The following ANKRD13D variants were observed in gnomAD, a reference collection of about 807,000 sequenced individuals.
The protein encoded by ANKRD13D is ankyrin repeat domain 13D.
Under a neutral mutation model 68.8 loss-of-function variants are expected in ANKRD13D, and 24 were observed. That is an observed-to-expected ratio of 0.35 (90% CI 0.25 to 0.49). The LOEUF (loss-of-function observed/expected upper bound fraction) is 0.49. Among genes scored for constraint, ANKRD13D ranks in the 20% least tolerant of loss-of-function variants. The pLI, the probability that ANKRD13D is intolerant of heterozygous loss-of-function variation, is 0.99. For synonymous variants in ANKRD13D, 331 were observed against 336.1 expected (o/e 0.98, Z 0.16); for missense variants, 735 against 832.1 (o/e 0.88, Z 1.44).
At chr11:67,290,603 G>A (rs1234720779) in intron 3 of ANKRD13D, 157 bp downstream of exon 3, 10 of 1,202,912 alleles carry the variant, frequency 8.3e-6, no homozygotes, top group South Asian at 4.9e-5. Context: ...CCAGGGTCAC[G>A]TAGGAAAGAG....
At position 67,302,120 on chromosome 11, in the gene ANKRD13D, G is replaced by T. The variant is rs1363162610; in HGVS notation, c.1606G>T (p.Ala536Ser). 1 of 1,566,514 alleles carries T rather than the reference G, an allele frequency of 6.4e-7. No individual in the cohort carries two copies. Among genetic ancestry groups the T allele is most frequent in the Non-Finnish European group, 8.7e-7 (1 of 1,155,196 alleles). The change falls in exon 15 of 15, where the codon GCC (alanine) becomes TCC (serine). Residue 536 changes from alanine (A) to serine (S), a missense_variant and splice_region_variant. Transcript: ENST00000511455. ...VYEEQLQLER[A>S]LQESLQLSTE... is the part of the protein sequence containing the mutation. ...TCCCTCCCCTGCCCTGCCTGGAAGGGCCCTCCAGGAAAGCCTGCAGCTGTC... is the reference window on the plus strand; with the variant it reads ...TCCCTCCCCTGCCCTGCCTGGAAGGTCCCTCCAGGAAAGCCTGCAGCTGTC...
chr11:67,301,368 C>G lies in ANKRD13D; in HGVS notation c.1318C>G (p.Pro440Ala). The G allele has an allele frequency of 6.2e-7, 1 of 1,613,166 alleles. No homozygotes were observed. Among genetic ancestry groups the G allele is most frequent in the Non-Finnish European group, 8.5e-7 (1 of 1,179,642 alleles). The change falls in exon 12 of 15, where the codon CCG becomes GCG. Residue 440 changes from proline (P) to alanine (A), a missense_variant. Physicochemically the swap from Pro to Ala is conservative, Grantham distance 27. Coordinates refer to ENST00000511455, the MANE Select transcript of ANKRD13D (RefSeq NM_207354.3). The surrounding 1 kb of genome is among the most constrained non-coding windows in gnomAD (Gnocchi z 4.5). ...TGAGCCCCTGAGCTCCGTGTGGGTG[C>G]CGGCCCCCAGCTCTGCTGTTGCCGC... The part of the protein sequence containing the change: ...CDEPLSSVWV[P>A]APSSAVAASG...
Position 67,301,322 on chromosome 11 carries a change from C to T in ANKRD13D, c.1272C>T (p.Phe424=), listed in dbSNP as rs533333283. Residue 424 remains phenylalanine, a synonymous_variant, in exon 12 of 15, where the codon TTC becomes TTT. Coordinates refer to ENST00000511455, the MANE Select transcript of ANKRD13D (RefSeq NM_207354.3). This position sits in a 1 kb window ranked among gnomAD's most constrained non-coding sequence, Gnocchi z 4.5. ...ACGTGCTCAATGCCCGCATCACCTT[C>T]AGCAACCTGTGTGGCTGTGATGAGC... is the stretch of plus-strand genomic sequence containing the variant. ...LFHVLNARIT[F]SNLCGCDEPL... 203 of 1,613,826 alleles carry T rather than the reference C, an allele frequency of 1.3e-4. 1 individual carries two copies. In the South Asian group the frequency reaches 2.1e-3, roughly 16 times the overall value.
At chr11:67,295,577 A>G (rs1860729550) in intron 6 of ANKRD13D, among the ~76,000 whole-genome samples, 1 of 148,914 alleles carries the variant, frequency 6.7e-6, no homozygotes, top group African/African-American at 2.5e-5. Context: ...ATACAAAAAC[A>G]AAAAAAAAAT....
Position 67,299,408 on chromosome 11 carries a change from C to T in ANKRD13D, c.799-122C>T, listed in dbSNP as rs902727233. On this transcript the variant is annotated intron_variant, in intron 7 of 14. Coordinates refer to ENST00000511455, the MANE Select transcript of ANKRD13D (RefSeq NM_207354.3). This position sits in a 1 kb window ranked among gnomAD's most constrained non-coding sequence, Gnocchi z 6.2. ...TGGGGTTCAGACCCTGCCACCTCCT[C>T]CATTTTGGGGAGCAAGATCTCATCT... is the stretch of plus-strand genomic sequence containing the variant. The T allele has an allele frequency of 1.1e-6, 1 of 882,228 alleles. No individual in the cohort carries two copies. Among genetic ancestry groups the T allele is most frequent in the Admixed American group, 2.6e-5 (1 of 38,694 alleles). The allele number at this position is 882,228 out of a possible 1,614,324, so 54.6% of individuals were successfully genotyped here.
At position 67,302,466 on chromosome 11, in the gene ANKRD13D, TAA is replaced by T; in HGVS notation, c.*136_*137del. The T allele has an allele frequency of 1.5e-6, 2 of 1,310,310 alleles. No homozygotes were observed. Among genetic ancestry groups the T allele is most frequent in the Non-Finnish European group, 1.0e-6 (1 of 988,452 alleles). The allele number at this position is 1,310,310 out of a possible 1,614,324, so 81.2% of individuals were successfully genotyped here. The stretch of plus-strand genomic sequence containing the variant: ...CAGGCAGGGGAGACTGAGATGGAAA[TAA>T]AGAGACTGTCGCAGCAGGGCTGCTC... On this transcript the variant is annotated 3_prime_UTR_variant, in exon 15 of 15. Coordinates refer to ENST00000511455, the MANE Select transcript of ANKRD13D (RefSeq NM_207354.3).
At chr11:67,290,056 G>T (rs1276603143) in intron 1 of ANKRD13D, 22 bp from the exon 2 acceptor site, 1 of 1,534,272 alleles carries the variant, frequency 6.5e-7, no homozygotes, top group African/African-American at 1.4e-5. Flanking sequence ...CCTGCCCTTT[G>T]TGAGTGTCCC....
chr11:67,296,700 G>A (rs1416699732), intron 6 of ANKRD13D, among the ~76,000 whole-genome samples: 1 of 152,002 alleles, frequency 6.6e-6, no homozygotes, highest in Non-Finnish European at 1.5e-5. Context: ...CATGATAAGA[G>A]CTCACTGCAG....
At position 67,299,241 on chromosome 11, in the gene ANKRD13D, G is replaced by C; in HGVS notation, c.798+117G>C. On this transcript the variant is annotated intron_variant, in intron 7 of 14. Coordinates refer to ENST00000511455, the MANE Select transcript of ANKRD13D (RefSeq NM_207354.3). This position sits in a 1 kb window ranked among gnomAD's most constrained non-coding sequence, Gnocchi z 6.2. ...CTCTGGAAACCCTGAGCATTTGTGGGAACTCAGCGGGCCTGAGTGCCCAGC... is the reference window on the plus strand; with the variant it reads ...CTCTGGAAACCCTGAGCATTTGTGGCAACTCAGCGGGCCTGAGTGCCCAGC... 7.6e-7 allele frequency: 1 copy of C among 1,309,654 alleles called. No individual in the cohort carries two copies. The highest frequency in any genetic ancestry group is 1.1e-6 in the Non-Finnish European group (1 of 924,562). The allele number at this position is 1,309,654 out of a possible 1,614,324, so 81.1% of individuals were successfully genotyped here.
rs1861048065 is a variant in ANKRD13D, at chr11:67,302,318, C to A, written c.1804C>A (p.Leu602Ile). The change falls in exon 15 of 15, where the codon CTC becomes ATC. Residue 602 changes from leucine (L) to isoleucine (I), a missense_variant. Leu to Ile is a conservative substitution (Grantham distance 5, BLOSUM62 2). Transcript: ENST00000511455. ...EDLQRILQLSLTEH is the reference protein window; with the variant it reads ...EDLQRILQLSITEH ...CTTACAGCGGATCCTGCAGCTGTCA[C>A]TCACTGAGCACTGAGCCATAGCCCC... is the stretch of plus-strand genomic sequence containing the variant. 1.6e-5 allele frequency: 24 copies of A among 1,541,834 alleles called. No homozygotes were observed. The highest frequency in any genetic ancestry group is 2.1e-5 in the Non-Finnish European group (24 of 1,139,662).
At position 67,301,267 on chromosome 11, in the gene ANKRD13D, G is replaced by T. The variant is rs1860974982; in HGVS notation, c.1232-15G>T. Reference sequence around the variant, plus strand: ...GGCTCTCCGCCAGGGCTCAGGCGTGGCTGTCTTCTCACAGAGATTCCCCTT... The same window carrying T: ...GGCTCTCCGCCAGGGCTCAGGCGTGTCTGTCTTCTCACAGAGATTCCCCTT... On this transcript the variant is annotated splice_polypyrimidine_tract_variant and intron_variant, in intron 11 of 14. Transcript: ENST00000511455. The surrounding 1 kb of genome is among the most constrained non-coding windows in gnomAD (Gnocchi z 4.5). The T allele has an allele frequency of 2.5e-6, 4 of 1,606,512 alleles. No individual in the cohort carries two copies. The East Asian group carries it at 8.9e-5, about 36-fold the overall frequency.
At chr11:67,292,279 C>T in intron 6 of ANKRD13D, 99 bp downstream of exon 6, 1 of 1,354,046 alleles carries the variant, frequency 7.4e-7, no homozygotes, top group Non-Finnish European at 9.9e-7. Context: ...TGGTTCAGGC[C>T]TCTGGGCTCA....
chr11:67,291,256 C>G (rs1395322217), intron 3 of ANKRD13D: 3 of 548,810 alleles, frequency 5.5e-6, no homozygotes, highest in Non-Finnish European at 9.5e-6. Flanking sequence ...ACTCGGGAGG[C>G]TGAGGTGGAA....
In ANKRD13D at chr11:67,300,998, C is replaced by T; in HGVS notation, c.1082C>T (p.Ala361Val). The change falls in exon 11 of 15, where the codon GCA (alanine) becomes GTA (valine). Residue 361 changes from alanine to valine, a missense_variant. Ala to Val is a moderately conservative substitution (Grantham distance 64). Transcript: ENST00000511455. This position sits in a 1 kb window ranked among gnomAD's most constrained non-coding sequence, Gnocchi z 4.3. The part of the protein sequence containing the change: ...EMSSKVQRFK[A>V]TLWLSEEHPL... ...TGTGGTCGGCTGGGCAGGTTCAAGG[C>T]AACACTGTGGCTGAGTGAAGAGCAC... The T allele has an allele frequency of 6.2e-7, 1 of 1,613,778 alleles. No individual in the cohort carries two copies.
chr11:67,302,352 T>A lies in ANKRD13D; in HGVS notation c.*20T>A. The A allele has an allele frequency of 1.4e-6, 2 of 1,477,460 alleles. No individual in the cohort carries two copies. Among genetic ancestry groups the A allele is most frequent in the Admixed American group, 4.9e-5 (2 of 40,758 alleles). The allele number at this position is 1,477,460 out of a possible 1,614,324, so 91.5% of individuals were successfully genotyped here. The stretch of plus-strand genomic sequence containing the variant: ...CACTGAGCCATAGCCCCGGGAGGGC[T>A]GGCCAGGCCACTCCCTGCCCGCTTT... On this transcript the variant is annotated 3_prime_UTR_variant, in exon 15 of 15. Coordinates refer to ENST00000511455, the MANE Select transcript of ANKRD13D (RefSeq NM_207354.3).
chr11:67,298,950 G>A, intron 6 of ANKRD13D, 108 bp from the exon 7 acceptor site: 1 of 1,168,830 alleles, frequency 8.6e-7, no homozygotes, highest in Non-Finnish European at 1.3e-6. Context: ...AAGGGGCCCT[G>A]AGAGTTGGGC....
rs965027503 is a variant in ANKRD13D, at chr11:67,289,323, T to TGCTGCC, written c.-136_-135insTGCCGC. ...GCCCCGCCCTCCCTGCCGCCCGCGC[T>TGCTGCC]GCCGCCGCCGCCGCCGCCGCCGCTA... On this transcript the variant is annotated 5_prime_UTR_variant, in exon 1 of 15. Coordinates refer to ENST00000511455, the MANE Select transcript of ANKRD13D (RefSeq NM_207354.3). 2.7e-6 allele frequency: 1 copy of TGCTGCC among 372,214 alleles called. No individual in the cohort carries two copies. The highest frequency in any genetic ancestry group is 2.2e-5 in the African/African-American group (1 of 44,446). 23.1% of individuals were successfully genotyped at this position (372,214 alleles called of 1,614,324 possible).
chr11:67,295,002 A>G (rs1204129911), intron 6 of ANKRD13D, among the ~76,000 whole-genome samples: 3 of 152,070 alleles, frequency 2.0e-5, no homozygotes, highest in Non-Finnish European at 4.4e-5. Context: ...TTTTTTTAAC[A>G]TATAAGATTA....
chr11:67,299,845 A>T lies in ANKRD13D; in HGVS notation c.899A>T (p.Gln300Leu). The change falls in exon 9 of 15, where the codon CAG (glutamine) becomes CTG (leucine). Residue 300 changes from glutamine (Q) to leucine (L), a missense_variant. Physicochemically the swap from Gln to Leu is moderately radical, Grantham distance 113. Transcript: ENST00000511455. The surrounding 1 kb of genome is among the most constrained non-coding windows in gnomAD (Gnocchi z 6.2). The part of the protein sequence containing the change: ...SRSKAGKTPF[Q>L]SFLGMAQQHS... ...TCCGTAGCGGGGAAGACTCCATTCC[A>T]GTCCTTCCTGGGGATGGCGCAGCAG... is the stretch of plus-strand genomic sequence containing the variant. The T allele has an allele frequency of 1.3e-6, 2 of 1,536,440 alleles. No homozygotes were observed. The highest frequency in any genetic ancestry group is 1.8e-6 in the Non-Finnish European group (2 of 1,141,168).
Sources: gnomAD v4.1 joint callset for allele counts (sites outside exome capture counted in the v4.1 genomes callset) on GRCh38, gnomAD v4.1.1 for gene constraint, Gnocchi (gnomAD v3.1) non-coding constraint, MANE v1.5 for transcripts, NCBI Gene and HGNC (gene_info 2026-07-23, HGNC 2026-07-21) for gene names.